FCN2: variants seen among roughly 807,000 people sequenced by gnomAD.
FCN2 encodes the protein ficolin 2.
A neutral mutation model predicts 32.5 loss-of-function variants in FCN2; 31 were observed. The ratio of observed to expected loss-of-function variants is 0.96; its 90% CI spans 0.72 to 1.29. FCN2 has a LOEUF of 1.29. FCN2 is among the 50% of genes most tolerant of loss of function. The probability of loss-of-function intolerance (pLI) is 0.00; values close to 1 mark genes in which losing one functional copy is unlikely to be tolerated. For synonymous variants in FCN2, 181 were observed against 164.5 expected (o/e 1.10, Z -0.77); for missense variants, 412 against 406.5 (o/e 1.01, Z -0.12).
rs574396484 is a variant in FCN2 at position 134,887,450 on chromosome 9, C to A, written c.*35C>A. The A allele has an allele frequency of 6.0e-5, 96 of 1,600,670 alleles. No individual in the cohort carries two copies. Among genetic ancestry groups the A allele is most frequent in the Admixed American group, 1.7e-4 (10 of 59,850 alleles). ...GCCTCAGGGTCAGGACGCCTCCACA[C>A]ATAGTTGGTTGGGGGGTAGGGTTGG... On this transcript the variant is annotated 3_prime_UTR_variant, in exon 8 of 8. Transcript: ENST00000291744.
the FCN2 span, among the ~76,000 whole-genome samples, chr9:134,873,975 A>G: frequency 2.0e-5 from 3 of 150,330 alleles, no homozygotes; most frequent in Admixed American, 6.7e-5. Context: ...CTGTGGCCCA[A>G]TCTTAGCTCA....
chr9:134,866,661 C>T, the FCN2 span, among the ~76,000 whole-genome samples: 1 of 148,298 alleles, frequency 6.7e-6, no homozygotes, highest in East Asian at 2.0e-4. Flanking sequence ...AACTAAAGAG[C>T]TTCTGCACAG....
chr9:134,882,650 G>A lies in FCN2; in HGVS notation c.214+11G>A, dbSNP rs749578723. The A allele has an allele frequency of 1.8e-5, 28 of 1,568,204 alleles. No individual in the cohort carries two copies. The Admixed American group carries it at 4.5e-4, about 25-fold the overall frequency. On this transcript the variant is annotated intron_variant, in intron 2 of 7. Transcript: ENST00000291744. ...CCAATGGAAAGAGAGGTAGGTGCAG[G>A]CATGGCTGGGGGCACTGGCTCTTGC...
chr9:134,877,223 A>G (rs1830611827), upstream of FCN2, among the ~76,000 whole-genome samples: 1 of 152,210 alleles, frequency 6.6e-6, no homozygotes, highest in South Asian at 2.1e-4. Context: ...TTGAGACGGA[A>G]GCAGAGGCTG....
chr9:134,869,623 C>T, the FCN2 span, among the ~76,000 whole-genome samples: 1 of 152,258 alleles, frequency 6.6e-6, no homozygotes, highest in Non-Finnish European at 1.5e-5. Context: ...CTTCCTTCTG[C>T]CTTTTCTCTG....
the FCN2 span, among the ~76,000 whole-genome samples, chr9:134,873,862 G>A: frequency 2.0e-5 from 3 of 151,222 alleles, no homozygotes; most frequent in South Asian, 6.3e-4. Context: ...TTAAATGGCA[G>A]AACTTTTTTT....
Position 134,887,490 on chromosome 9 carries a change from G to C in FCN2, c.*75G>C, listed in dbSNP as rs928280915. The stretch of plus-strand genomic sequence containing the variant: ...GGTAGGGTTGGGAGCTTGGCCCTAC[G>C]GTTTGTAAAAGAAACACATGTCGTG... On this transcript the variant is annotated 3_prime_UTR_variant, in exon 8 of 8. Coordinates refer to ENST00000291744, the MANE Select transcript of FCN2 (RefSeq NM_004108.3). 127 of 1,441,926 alleles carry C rather than the reference G, an allele frequency of 8.8e-5. No homozygotes were observed. The highest frequency in any genetic ancestry group is 5.2e-4 in the Middle Eastern group (3 of 5,774). The allele number at this position is 1,441,926 out of a possible 1,614,324, so 89.3% of individuals were successfully genotyped here. A position where few individuals can be genotyped will look rare whatever the true frequency, so the allele number is the denominator to read the frequency against.
the FCN2 span, among the ~76,000 whole-genome samples, chr9:134,867,229 T>C: frequency 2.2e-5 from 3 of 135,430 alleles, no homozygotes; most frequent in Admixed American, 2.3e-4. Context: ...AGCAAAGACT[T>C]GGAACCAACC....
intron 1 of FCN2, 28 bp downstream of exon 1, chr9:134,880,949 G>T: frequency 2.0e-6 from 3 of 1,522,182 alleles, no homozygotes; most frequent in Non-Finnish European, 2.7e-6. Flanking sequence ...CCTCCTCCTG[G>T]AAACTTCTCG....
intron 2 of FCN2, 151 bp downstream of exon 2, chr9:134,882,790 G>C (rs1468448071): frequency 1.6e-6 from 1 of 619,052 alleles, no homozygotes; most frequent in Non-Finnish European, 2.9e-6. Flanking sequence ...GGGCCCAACA[G>C]GGTTCTGACA....
At chr9:134,867,247 CCAA>C in the FCN2 span, among the ~76,000 whole-genome samples, 1 of 141,906 alleles carries the variant, frequency 7.0e-6, no homozygotes, top group Non-Finnish European at 1.5e-5. Context: ...ACCCAAATGT[CCAA>C]CAATGATAGA....
chr9:134,885,415 C>G (rs1830734589), intron 5 of FCN2, 49 bp downstream of exon 5: 1 of 1,601,392 alleles, frequency 6.2e-7, no homozygotes, highest in Admixed American at 1.7e-5. Context: ...TCCCGGAGGC[C>G]AGGCTGCACA....
chr9:134,881,714 C>T (rs1564206089), intron 1 of FCN2, among the ~76,000 whole-genome samples: 1 of 152,062 alleles, frequency 6.6e-6, no homozygotes, highest in African/African-American at 2.4e-5. Flanking sequence ...CAATCCGTGG[C>T]GTGAAGTGTG....
chr9:134,885,804 T>C lies in FCN2; in HGVS notation c.466T>C (p.Tyr156His), dbSNP rs1206809374. 1.9e-6 allele frequency: 3 copies of C among 1,613,886 alleles called. No homozygotes were observed. Among genetic ancestry groups the C allele is most frequent in the South Asian group, 1.1e-5 (1 of 91,084 alleles). Reference sequence around the variant, plus strand: ...GAGGGTGGATGGCTCTGTGGACTTCTACCGGGACTGGGCCACGTACAAGCA... The same window carrying C: ...GAGGGTGGATGGCTCTGTGGACTTCCACCGGGACTGGGCCACGTACAAGCA... Reference protein sequence around the residue: ...QRRVDGSVDFYRDWATYKQGF... With the variant: ...QRRVDGSVDFHRDWATYKQGF... Residue 156 changes from tyrosine to histidine, a missense_variant, in exon 6 of 8, where the codon TAC becomes CAC. Tyr to His is a moderately conservative substitution (Grantham distance 83). Coordinates refer to ENST00000291744, the MANE Select transcript of FCN2 (RefSeq NM_004108.3).
rs565994366 is a variant in FCN2 at position 134,882,481 on chromosome 9, T to C, written c.101-45T>C. 2.7e-6 allele frequency: 4 copies of C among 1,507,488 alleles called. No homozygotes were observed. The African/African-American group carries it at 5.5e-5, about 21-fold the overall frequency. The allele number at this position is 1,507,488 out of a possible 1,614,324, so 93.4% of individuals were successfully genotyped here. ...GGTATATCTATGGCTCAGTGGAGTCTTCAGGCCCAGGTGACACTGAGTGGC... is the reference window on the plus strand; with the variant it reads ...GGTATATCTATGGCTCAGTGGAGTCCTCAGGCCCAGGTGACACTGAGTGGC... On this transcript the variant is annotated intron_variant, in intron 1 of 7. Transcript: ENST00000291744.
rs945195181 is a variant in FCN2 at position 134,883,724 on chromosome 9, G to A, written c.268+369G>A. 3.3e-5 allele frequency among the ~76,000 whole-genome samples: 5 copies of A among 149,848 alleles called. No individual in the cohort carries two copies. The East Asian group carries it at 7.9e-4, about 24-fold the overall frequency. ...GGTGTGTGTTGGGGGAGGGGTTCCC[G>A]GTGGGCAGGCTGTGGGGAGGTGTTA... is the stretch of plus-strand genomic sequence containing the variant. On this transcript the variant is annotated intron_variant, in intron 3 of 7. Coordinates refer to ENST00000291744, the MANE Select transcript of FCN2 (RefSeq NM_004108.3).
At chr9:134,867,572 A>G in the FCN2 span, among the ~76,000 whole-genome samples, 1 of 150,774 alleles carries the variant, frequency 6.6e-6, no homozygotes, top group Non-Finnish European at 1.5e-5. Flanking sequence ...GCACACCAGC[A>G]TGGCACATGT....
the FCN2 span, among the ~76,000 whole-genome samples, chr9:134,867,354 A>G: frequency 2.9e-4 from 44 of 152,010 alleles, no homozygotes; most frequent in African/African-American, 1.0e-3. Flanking sequence ...CATGGATGAA[A>G]TTGGAAATCA....
At chr9:134,885,525 G>T (rs56117058) in intron 5 of FCN2, among the ~76,000 whole-genome samples, 159 bp downstream of exon 5, 2 of 152,004 alleles carry the variant, frequency 1.3e-5, no homozygotes, top group South Asian at 2.1e-4. Flanking sequence ...CAGGCCTTTG[G>T]GGGAGGCTGG....
Sources: allele counts gnomAD v4.1 joint callset (sites outside exome capture counted in the v4.1 genomes callset), GRCh38; gene constraint gnomAD v4.1.1; transcripts MANE v1.5; gene names NCBI Gene and HGNC (gene_info 2026-07-23, HGNC 2026-07-21).